Variants in ADAMTSL1 observed in about 807,000 individuals in gnomAD.
The protein encoded by ADAMTSL1 is ADAMTS like 1.
A neutral mutation model predicts 201.8 loss-of-function variants in ADAMTSL1; 126 were observed. The ratio of observed to expected loss-of-function variants is 0.62; its 90% CI spans 0.54 to 0.72. The LOEUF is 0.72. Ranked by LOEUF, ADAMTSL1 falls within the 30% of genes least tolerant of loss-of-function variation. The probability of loss-of-function intolerance (pLI) is 0.00; values close to 1 mark genes in which losing one functional copy is unlikely to be tolerated. For synonymous variants in ADAMTSL1, 1,121 were observed against 903.4 expected (o/e 1.24, Z -4.32); for missense variants, 2,679 against 2,277.8 (o/e 1.18, Z -3.59).
intron 2 of ADAMTSL1, among the ~76,000 whole-genome samples, chr9:18,230,100 T>A (rs370855496): frequency 5.9e-5 from 9 of 152,216 alleles, no homozygotes; most frequent in African/African-American, 9.6e-5. Context: ...AACTAATCAT[T>A]GCCTGGTGAA....
At chr9:18,722,984 T>C (rs780916774) in intron 15 of ADAMTSL1, 1 of 774,646 alleles carries the variant, frequency 1.3e-6, no homozygotes, top group Non-Finnish European at 2.4e-6. Context: ...GGCACCAACT[T>C]TTCTATTTGA....
intron 2 of ADAMTSL1, among the ~76,000 whole-genome samples, chr9:18,164,449 T>C (rs751195622): frequency 2.0e-5 from 3 of 151,836 alleles, no homozygotes; most frequent in South Asian, 2.1e-4. Context: ...TCTCTGGTGG[T>C]GGTTTTAGGG....
At chr9:18,626,837 CTTTT>C (rs369648991) in intron 5 of ADAMTSL1, among the ~76,000 whole-genome samples, 7 of 125,366 alleles carry the variant, frequency 5.6e-5, no homozygotes, top group Non-Finnish European at 1.1e-4. Context: ...TTCTTACTTT[CTTTT>C]TCTTTCTTTC....
At chr9:17,938,844 C>T (rs968173824) in intron 1 of ADAMTSL1, among the ~76,000 whole-genome samples, 5 of 152,110 alleles carry the variant, frequency 3.3e-5, no homozygotes, top group African/African-American at 4.8e-5. Context: ...CCTGACTTTC[C>T]ATGGCTTTCC....
At chr9:18,485,040 T>C (rs1821916279) in intron 1 of ADAMTSL1, among the ~76,000 whole-genome samples, 1 of 152,204 alleles carries the variant, frequency 6.6e-6, no homozygotes, top group East Asian at 1.9e-4. Flanking sequence ...AGAAGCACTT[T>C]ACATATACTG....
chr9:17,918,932 T>C (rs556237509), intron 1 of ADAMTSL1, among the ~76,000 whole-genome samples: 3 of 152,070 alleles, frequency 2.0e-5, no homozygotes, highest in Admixed American at 2.0e-4. Context: ...TGACCTTCTC[T>C]ATCCCTAGTA....
chr9:18,169,556 G>C (rs910203355), intron 2 of ADAMTSL1, among the ~76,000 whole-genome samples: 1 of 152,114 alleles, frequency 6.6e-6, no homozygotes, highest in African/African-American at 2.4e-5. Flanking sequence ...AAGTCAGGTA[G>C]TGTGATGCCT....
At chr9:18,718,425 A>G (rs1023521828) in intron 14 of ADAMTSL1, 20 of 653,398 alleles carry the variant, frequency 3.1e-5, no homozygotes, top group African/African-American at 1.8e-4. Context: ...ATCTTCTATC[A>G]TAGGACATAT....
At chr9:18,022,045 C>G (rs1820498639) in intron 1 of ADAMTSL1, among the ~76,000 whole-genome samples, 1 of 152,068 alleles carries the variant, frequency 6.6e-6, no homozygotes, top group South Asian at 2.1e-4. Flanking sequence ...TCTACACAGC[C>G]TCTAACATTC....
chr9:18,262,869 C>A (rs2132541032), intron 2 of ADAMTSL1, among the ~76,000 whole-genome samples: 1 of 152,290 alleles, frequency 6.6e-6, no homozygotes, highest in Admixed American at 6.5e-5. Flanking sequence ...CCAGGATCCA[C>A]ACTGAAAGAA....
intron 6 of ADAMTSL1, 107 bp downstream of exon 6, chr9:18,636,124 C>G: frequency 1.1e-6 from 1 of 940,520 alleles, no homozygotes; most frequent in East Asian, 2.8e-5. Flanking sequence ...TCTTTCTACT[C>G]TATCATAATA....
intron 2 of ADAMTSL1, among the ~76,000 whole-genome samples, chr9:18,389,026 G>A (rs58939451): frequency 0.077 from 11,732 of 152,030 alleles, 690 homozygotes; most frequent in African/African-American, 0.17. Context: ...AAGTGCTGGA[G>A]TTACAGGTGT....
chr9:18,675,413 T>C (rs892046632), intron 9 of ADAMTSL1, among the ~76,000 whole-genome samples: 3 of 152,176 alleles, frequency 2.0e-5, no homozygotes, highest in Non-Finnish European at 4.4e-5. Context: ...GTACATATTC[T>C]CCAGCTTGAA....
chr9:18,356,626 C>T (rs1836251725), intron 2 of ADAMTSL1, among the ~76,000 whole-genome samples: 1 of 150,758 alleles, frequency 6.6e-6, no homozygotes. Flanking sequence ...CACACACACA[C>T]ACACACACAC....
At chr9:18,592,861 T>C (rs1016971558) in intron 4 of ADAMTSL1, among the ~76,000 whole-genome samples, 5 of 152,220 alleles carry the variant, frequency 3.3e-5, no homozygotes, top group African/African-American at 1.2e-4. Context: ...GAACATGGAA[T>C]CTTTTTTCAT....
chr9:18,215,697 G>A (rs759114346), intron 2 of ADAMTSL1, among the ~76,000 whole-genome samples: 1 of 152,198 alleles, frequency 6.6e-6, no homozygotes, highest in Non-Finnish European at 1.5e-5. Flanking sequence ...GGTTTGTGGT[G>A]TGAGGGCCCC....
chr9:18,294,119 C>G (rs1833379261), intron 2 of ADAMTSL1, among the ~76,000 whole-genome samples: 1 of 152,038 alleles, frequency 6.6e-6, no homozygotes, highest in Non-Finnish European at 1.5e-5. Flanking sequence ...ATAAATGAAC[C>G]AATATGAATG....
chr9:18,144,266 G>T (rs1327587845), intron 1 of ADAMTSL1, among the ~76,000 whole-genome samples: 1 of 151,872 alleles, frequency 6.6e-6, no homozygotes, highest in African/African-American at 2.4e-5. Flanking sequence ...GAGTGCAGTG[G>T]CGCGATCTTG....
At chr9:18,331,756 C>T (rs1372720383) in intron 2 of ADAMTSL1, among the ~76,000 whole-genome samples, 1 of 152,162 alleles carries the variant, frequency 6.6e-6, no homozygotes, top group Non-Finnish European at 1.5e-5. Context: ...AAATCAGATG[C>T]TAGAGTTTTA....
Sources: allele counts gnomAD v4.1 joint callset (sites outside exome capture counted in the v4.1 genomes callset), GRCh38; gene constraint gnomAD v4.1.1; transcripts MANE v1.5; gene names NCBI Gene and HGNC (gene_info 2026-07-23, HGNC 2026-07-21).